Variants in PRKN observed in about 807,000 individuals in gnomAD.
The protein encoded by PRKN is parkin RBR E3 ubiquitin protein ligase.
PRKN carries 56 observed loss-of-function variants against 59.5 expected under a neutral mutation model. The observed-to-expected ratio is 0.94, with a 90% CI of 0.76 to 1.18. PRKN has a LOEUF of 1.18. Among genes scored for constraint, PRKN ranks in the 50% most tolerant of loss-of-function variants. The probability of loss-of-function intolerance (pLI) is 0.00; values close to 1 mark genes in which losing one functional copy is unlikely to be tolerated. For synonymous variants in PRKN, 250 were observed against 222.1 expected, an observed-to-expected ratio of 1.13 and a Z score of -1.12; for missense variants, 657 against 596.4, an observed-to-expected ratio of 1.10 and a Z score of -1.06.
rs60611124 is a variant in PRKN at position 161,459,945 on chromosome 6, T to TAA, written c.1084-73070_1084-73069dup. ...TAAGAAAATGGCTGTTGATATTTTG[T>TAA]AAAAAAAAAAATCTATTTATCCATC... On this transcript the variant is annotated intron_variant, in intron 9 of 11. Coordinates refer to ENST00000366898, the MANE Select transcript of PRKN (RefSeq NM_004562.3). The surrounding 1 kb of genome is among the most constrained non-coding windows in gnomAD (Gnocchi z 4.8). Among the ~76,000 whole-genome samples, 37 of 148,868 alleles carry TAA rather than the reference T, an allele frequency of 2.5e-4. No individual in the cohort carries two copies. The highest frequency in any genetic ancestry group is 8.6e-4 in the African/African-American group (35 of 40,840).
chr6:162,022,772 A>G (rs1457132228), intron 5 of PRKN, among the ~76,000 whole-genome samples: 1 of 152,152 alleles, frequency 6.6e-6, no homozygotes, highest in Admixed American at 6.5e-5. Flanking sequence ...GTTTTCTTCT[A>G]GGATTTTAAT....
At chr6:162,213,305 G>C (rs2187213) in intron 3 of PRKN, among the ~76,000 whole-genome samples, 1 of 151,918 alleles carries the variant, frequency 6.6e-6, no homozygotes, top group Admixed American at 6.5e-5. Context: ...AGAAAATAAT[G>C]AAACAATCAA....
At position 161,352,755 on chromosome 6, in the gene PRKN, G is replaced by GTGTATATATATATATATATATA. The variant is rs766949960; in HGVS notation, c.1286-2545_1286-2544insTATATATATATATATATATACA. Among the ~76,000 whole-genome samples the GTGTATATATATATATATATATA allele has an allele frequency of 7.3e-4, 98 of 134,330 alleles. No individual in the cohort carries two copies. Among genetic ancestry groups the GTGTATATATATATATATATATA allele is most frequent in the African/African-American group, 2.5e-3 (88 of 35,742 alleles). The allele number at this position is 134,330 out of a possible 152,430, so 88.1% of individuals were successfully genotyped here. ...TGTGTGTGTGTGTGTGTGTGTGTGTGTATATATATATATATATTTTATTTT... is the reference window on the plus strand; with the variant it reads ...TGTGTGTGTGTGTGTGTGTGTGTGTGTGTATATATATATATATATATATATATATATATATATATTTTATTTT... On this transcript the variant is annotated intron_variant, in intron 11 of 11. Coordinates refer to ENST00000366898, the MANE Select transcript of PRKN (RefSeq NM_004562.3). The surrounding 1 kb of genome is among the most constrained non-coding windows in gnomAD (Gnocchi z 5.8).
At chr6:162,399,772 T>G (rs2128148900) in intron 2 of PRKN, among the ~76,000 whole-genome samples, 1 of 149,566 alleles carries the variant, frequency 6.7e-6, no homozygotes, top group South Asian at 2.1e-4. Flanking sequence ...ACAGAGAAAC[T>G]TAAGGAACAA....
intron 3 of PRKN, among the ~76,000 whole-genome samples, chr6:162,259,280 G>A (rs935922151): frequency 2.0e-5 from 3 of 152,122 alleles, no homozygotes; most frequent in East Asian, 1.9e-4. Flanking sequence ...CCCACCCAGC[G>A]TCCGATTGTT....
At chr6:161,514,382 C>T (rs1435119158) in intron 9 of PRKN, among the ~76,000 whole-genome samples, 2 of 151,996 alleles carry the variant, frequency 1.3e-5, no homozygotes, top group Non-Finnish European at 2.9e-5. Flanking sequence ...CCATATAAGG[C>T]TGGGACTGGG....
intron 6 of PRKN, among the ~76,000 whole-genome samples, chr6:161,885,526 G>A (rs1167323804): frequency 5.3e-5 from 8 of 152,090 alleles, no homozygotes; most frequent in South Asian, 2.1e-4. Flanking sequence ...TTAGCCAGGC[G>A]TGGTGGCGGG....
intron 9 of PRKN, among the ~76,000 whole-genome samples, chr6:161,449,540 C>T (rs1029132635): frequency 1.3e-5 from 2 of 152,142 alleles, no homozygotes; most frequent in African/African-American, 4.8e-5. Context: ...TTTTCATGTT[C>T]ATATTCCATG....
At chr6:162,255,081 A>ATAAAC (rs2128097576) in intron 3 of PRKN, among the ~76,000 whole-genome samples, 1 of 86,520 alleles carries the variant, frequency 1.2e-5, no homozygotes, top group African/African-American at 5.3e-5. Context: ...TCATACAAAA[A>ATAAAC]TAAAATAAAA....
chr6:161,898,851 G>T (rs772263505), intron 6 of PRKN, among the ~76,000 whole-genome samples: 2 of 152,164 alleles, frequency 1.3e-5, no homozygotes, highest in Non-Finnish European at 2.9e-5. Flanking sequence ...GTACGCTTGT[G>T]GCTTCTTCGT....
At chr6:162,092,232 A>C (rs1779526180) in intron 4 of PRKN, among the ~76,000 whole-genome samples, 1 of 151,752 alleles carries the variant, frequency 6.6e-6, no homozygotes, top group African/African-American at 2.4e-5. Context: ...GCGAGCGCCT[A>C]TAGTCCCAGC....
At chr6:162,226,531 T>C in intron 3 of PRKN, among the ~76,000 whole-genome samples, 1 of 152,168 alleles carries the variant, frequency 6.6e-6, no homozygotes, top group East Asian at 1.9e-4. Context: ...CCAAGAATTT[T>C]GTTTGTTTGT....
At chr6:162,035,689 T>C (rs975464984) in intron 5 of PRKN, among the ~76,000 whole-genome samples, 1 of 152,082 alleles carries the variant, frequency 6.6e-6, no homozygotes, top group African/African-American at 2.4e-5. Flanking sequence ...GGGATCAAAA[T>C]AATACAGTTT....
At chr6:162,036,213 A>G (rs1322559815) in intron 5 of PRKN, among the ~76,000 whole-genome samples, 2 of 151,182 alleles carry the variant, frequency 1.3e-5, no homozygotes, top group East Asian at 2.0e-4. Flanking sequence ...AGTCCCAGCT[A>G]CTCGGGAGGC....
In PRKN at chr6:161,575,940, T is replaced by G. The variant is rs183918398; in HGVS notation, c.872-6524A>C. Among the ~76,000 whole-genome samples the G allele has an allele frequency of 1.4e-4, 21 of 152,320 alleles. No individual in the cohort carries two copies. Among genetic ancestry groups the G allele is most frequent in the Middle Eastern group, 3.4e-3 (1 of 294 alleles). ...GTGATCGAAGACAATGCAGCGAGAC[T>G]GAACACTGACCTCTGAGCACAAGCC... is the stretch of plus-strand genomic sequence containing the variant. On this transcript the variant is annotated intron_variant, in intron 7 of 11. Transcript: ENST00000366898. The surrounding 1 kb of genome is among the most constrained non-coding windows in gnomAD (Gnocchi z 4.6).
chr6:161,973,211 T>C, intron 6 of PRKN, 91 bp downstream of exon 6: 1 of 854,846 alleles, frequency 1.2e-6, no homozygotes, highest in South Asian at 1.4e-5. Context: ...GGCAGAACAA[T>C]ATTGGGAAAG....
At chr6:162,486,010 T>C (rs1013412105) in intron 1 of PRKN, among the ~76,000 whole-genome samples, 4 of 152,212 alleles carry the variant, frequency 2.6e-5, no homozygotes, top group African/African-American at 9.6e-5. Flanking sequence ...ATATCTGACA[T>C]TAAGAGGGGT....
chr6:162,068,867 G>C (rs1377099455), intron 4 of PRKN, among the ~76,000 whole-genome samples: 1 of 152,052 alleles, frequency 6.6e-6, no homozygotes, highest in Non-Finnish European at 1.5e-5. Flanking sequence ...CTTCATGTCT[G>C]TCCATGCCCC....
chr6:162,215,102 C>T (rs1269392366), intron 3 of PRKN, among the ~76,000 whole-genome samples: 4 of 152,222 alleles, frequency 2.6e-5, no homozygotes, highest in East Asian at 3.9e-4. Flanking sequence ...TAATGTAAAT[C>T]CCCTCCCCCT....
Sources: gnomAD v4.1 joint callset for allele counts (sites outside exome capture counted in the v4.1 genomes callset) on GRCh38, gnomAD v4.1.1 for gene constraint, Gnocchi (gnomAD v3.1) non-coding constraint, MANE v1.5 for transcripts, NCBI Gene and HGNC (gene_info 2026-07-23, HGNC 2026-07-21) for gene names.